The following MFSD1 variants were observed in gnomAD, a reference collection of about 807,000 sequenced individuals.
MFSD1 encodes lysosomal dipeptide transporter MFSD1.
A neutral mutation model predicts 67.1 loss-of-function variants in MFSD1; 59 were observed. That is an observed-to-expected ratio of 0.88 (90% CI 0.71 to 1.09). The LOEUF (loss-of-function observed/expected upper bound fraction) is 1.09. Ranked by LOEUF, MFSD1 falls within the 50% of genes least tolerant of loss-of-function variation. MFSD1 has a pLI of 0.00. For missense variants in MFSD1, 552 were observed against 566.1 expected (o/e 0.97, Z 0.25); for synonymous variants, 213 against 200.3 (o/e 1.06, Z -0.54).
At chr3:158,811,569 C>G (rs562889464) in intron 6 of MFSD1, among the ~76,000 whole-genome samples, 1 of 152,060 alleles carries the variant, frequency 6.6e-6, no homozygotes, top group Non-Finnish European at 1.5e-5. Context: ...TTGAGAAGAT[C>G]GAGATGGAAC....
intron 14 of MFSD1, 78 bp downstream of exon 14, chr3:158,826,140 G>A (rs1730955325): frequency 1.7e-6 from 2 of 1,147,246 alleles, no homozygotes; most frequent in South Asian, 2.5e-5. Flanking sequence ...CCTCTTTGGG[G>A]GCCAGTGCTT....
At chr3:158,823,322 AAT>A (rs934418663) in intron 11 of MFSD1, 104 bp from the exon 12 acceptor site, 52 of 795,312 alleles carry the variant, frequency 6.5e-5, no homozygotes, top group Non-Finnish European at 8.0e-5. Flanking sequence ...AATTTGCTTG[AAT>A]ATATATATAT....
At chr3:158,802,356 T>C (rs1729499568) in intron 1 of MFSD1, 41 bp downstream of exon 1, 1 of 1,606,980 alleles carries the variant, frequency 6.2e-7, no homozygotes, top group South Asian at 1.1e-5. Flanking sequence ...TTTAAGGAAT[T>C]CCCGACTTTC....
chr3:158,817,143 T>C (rs949850257), intron 7 of MFSD1, among the ~76,000 whole-genome samples: 45 of 152,152 alleles, frequency 3.0e-4, no homozygotes, highest in Admixed American at 5.9e-4. Flanking sequence ...GCCAATATCA[T>C]ACTGAATGGG....
intron 7 of MFSD1, among the ~76,000 whole-genome samples, chr3:158,818,011 C>G (rs1482311678): frequency 6.6e-6 from 1 of 152,116 alleles, no homozygotes; most frequent in East Asian, 1.9e-4. Flanking sequence ...AGCTATGGCT[C>G]CATGGTGCTA....
chr3:158,821,695 G>A, intron 10 of MFSD1, 42 bp downstream of exon 10: 2 of 1,469,742 alleles, frequency 1.4e-6, no homozygotes, highest in Non-Finnish European at 9.4e-7. Context: ...TGCATGTGAA[G>A]TATGGGTCTT....
chr3:158,820,325 A>G lies in MFSD1; in HGVS notation c.862A>G (p.Lys288Glu). The change falls in exon 9 of 16, where the codon AAA (lysine) becomes GAA (glutamate). Residue 288 changes from lysine (K) to glutamate (E), a missense_variant and splice_region_variant. Physicochemically the swap from Lys to Glu is moderately conservative, Grantham distance 56. Coordinates refer to ENST00000415822, the MANE Select transcript of MFSD1 (RefSeq NM_022736.4). ...TGTGTTCCCTTTTATTGGACTTGGG[A>G]AGTGAGTATTCTCTATGTTTCCATT... Reference protein sequence around the residue: ...VAVFPFIGLGKVFFTEKFGFS... With the variant: ...VAVFPFIGLGEVFFTEKFGFS... 1 of 1,572,526 alleles carries G rather than the reference A, an allele frequency of 6.4e-7. No individual in the cohort carries two copies. Among genetic ancestry groups the G allele is most frequent in the Non-Finnish European group, 8.8e-7 (1 of 1,142,458 alleles).
At chr3:158,820,677 A>G (rs144561515) in intron 9 of MFSD1, among the ~76,000 whole-genome samples, 196 of 152,318 alleles carry the variant, frequency 1.3e-3, no homozygotes, top group African/African-American at 4.3e-3. Flanking sequence ...AAAGGGAAGC[A>G]AACATTCTTC....
At chr3:158,812,928 T>C (rs1296197381) in intron 6 of MFSD1, among the ~76,000 whole-genome samples, 1 of 152,086 alleles carries the variant, frequency 6.6e-6, no homozygotes, top group Middle Eastern at 3.2e-3. Context: ...GGCTGTTCCT[T>C]CTGCCTGGAG....
rs142749765 is a variant in MFSD1, at chr3:158,811,496, A to T, written c.549+2209A>T. Among the ~76,000 whole-genome samples the T allele has an allele frequency of 3.7e-4, 56 of 152,314 alleles. 1 individual carries two copies. The highest frequency in any genetic ancestry group is 3.7e-3 in the East Asian group (19 of 5,178). ...CTTGGTAAGATCACCAAGACTATGG[A>T]TGTTGAAAGAAAAGAGATGATGTCA... is the stretch of plus-strand genomic sequence containing the variant. On this transcript the variant is annotated intron_variant, in intron 6 of 15. Transcript: ENST00000415822.
intron 11 of MFSD1, chr3:158,822,577 G>A (rs73158379): frequency 0.19 from 28,561 of 153,538 alleles, 3,020 homozygotes; most frequent in Middle Eastern, 0.31. Flanking sequence ...TTTTGTTATT[G>A]TTGTTCAAAA....
intron 6 of MFSD1, 131 bp from the exon 7 acceptor site, chr3:158,813,834 T>C (rs1222143319): frequency 2.2e-6 from 1 of 454,156 alleles, no homozygotes. Flanking sequence ...TTTCTTGTAG[T>C]GTCTTTTAAG....
At chr3:158,816,253 A>G (rs1730337417) in intron 7 of MFSD1, among the ~76,000 whole-genome samples, 1 of 152,182 alleles carries the variant, frequency 6.6e-6, no homozygotes, top group Non-Finnish European at 1.5e-5. Context: ...TGGTTGAACT[A>G]GTTTACAGAC....
At position 158,821,982 on chromosome 3, in the gene MFSD1, A is replaced by G. The variant is rs1730700331; in HGVS notation, c.921-2A>G. 1 of 1,611,172 alleles carries G rather than the reference A, an allele frequency of 6.2e-7. No individual in the cohort carries two copies. The highest frequency in any genetic ancestry group is 8.5e-7 in the Non-Finnish European group (1 of 1,177,678). ...GAAATGTCTTATGTGTTCTCTGGGC[A>G]GTGTTGTATATGTCATATCAGCTCC... On this transcript the variant is annotated splice_acceptor_variant, in intron 10 of 15. Coordinates refer to ENST00000415822, the MANE Select transcript of MFSD1 (RefSeq NM_022736.4). LOFTEE classifies it high-confidence loss of function.
chr3:158,827,192 G>T, intron 14 of MFSD1, 88 bp from the exon 15 acceptor site: 2 of 744,462 alleles, frequency 2.7e-6, no homozygotes, highest in Non-Finnish European at 2.2e-6. Flanking sequence ...GTGTATCTAT[G>T]CAAATGGTTG....
At chr3:158,824,945 C>T (rs538079383) in intron 13 of MFSD1, among the ~76,000 whole-genome samples, 24 of 152,192 alleles carry the variant, frequency 1.6e-4, no homozygotes, top group African/African-American at 5.1e-4. Context: ...CATAAATAAA[C>T]GTGCTTGTTT....
chr3:158,812,366 G>A (rs1472972188), intron 6 of MFSD1, among the ~76,000 whole-genome samples: 2 of 152,142 alleles, frequency 1.3e-5, no homozygotes, highest in Admixed American at 1.3e-4. Context: ...TTACATGGAC[G>A]CTAAATACAT....
In MFSD1 at chr3:158,805,494, A is replaced by G. The variant is rs1729680849; in HGVS notation, c.329+20A>G. ...AATACGGTAAGCTTGAAAAGAAACT[A>G]TGGGTAAATCTTACCTGATTGTTAG... is the stretch of plus-strand genomic sequence containing the variant. On this transcript the variant is annotated intron_variant, in intron 3 of 15. Coordinates refer to ENST00000415822, the MANE Select transcript of MFSD1 (RefSeq NM_022736.4). 2.0e-6 allele frequency: 3 copies of G among 1,528,072 alleles called. No homozygotes were observed. The highest frequency in any genetic ancestry group is 1.8e-6 in the Non-Finnish European group (2 of 1,101,608). The allele number at this position is 1,528,072 out of a possible 1,614,324, so 94.7% of individuals were successfully genotyped here. A position where few individuals can be genotyped will look rare whatever the true frequency, so the allele number is the denominator to read the frequency against.
chr3:158,807,708 T>C (rs1018896076), intron 5 of MFSD1, among the ~76,000 whole-genome samples: 3 of 152,240 alleles, frequency 2.0e-5, no homozygotes, highest in East Asian at 1.9e-4. Flanking sequence ...ATGATATTTT[T>C]CCCAGGCATT....
Sources: gnomAD v4.1 joint callset for allele counts (sites outside exome capture counted in the v4.1 genomes callset) on GRCh38, gnomAD v4.1.1 for gene constraint, MANE v1.5 for transcripts, NCBI Gene and HGNC (gene_info 2026-07-23, HGNC 2026-07-21) for gene names.